NPHS1: variants seen among roughly 807,000 people sequenced by gnomAD.
NPHS1 encodes the protein nephrin.
Under a neutral mutation model 139.7 loss-of-function variants are expected in NPHS1, and 107 were observed. The ratio of observed to expected loss-of-function variants is 0.77; its 90% CI spans 0.66 to 0.90. The LOEUF (loss-of-function observed/expected upper bound fraction) is 0.90. NPHS1 is among the 40% of genes least tolerant of loss of function. NPHS1 has a pLI of 0.00. For missense variants in NPHS1, 1,580 were observed against 1,654.2 expected (o/e 0.96, Z 0.78); for synonymous variants, 707 against 706.6 (o/e 1.00, Z -0.01).
At chr19:35,843,246 C>T (rs879491193) in intron 17 of NPHS1, among the ~76,000 whole-genome samples, 4 of 152,192 alleles carry the variant, frequency 2.6e-5, no homozygotes, top group Non-Finnish European at 5.9e-5. Flanking sequence ...ACTTACCTAC[C>T]TTTTGACCTA....
chr19:35,836,119 C>T (rs976343493), intron 22 of NPHS1, among the ~76,000 whole-genome samples: 2 of 145,934 alleles, frequency 1.4e-5, no homozygotes, highest in African/African-American at 5.1e-5. Context: ...GCCACTATGC[C>T]TGGCTAATTT....
intron 20 of NPHS1, among the ~76,000 whole-genome samples, chr19:35,840,714 A>G (rs1568452642): frequency 6.9e-6 from 1 of 144,874 alleles, no homozygotes; most frequent in Admixed American, 6.9e-5. Context: ...TTTGAGACAG[A>G]GTCTTGCTCT....
intron 11 of NPHS1, 94 bp from the exon 12 acceptor site, chr19:35,846,288 G>A (rs764095601): frequency 6.0e-6 from 8 of 1,336,868 alleles, no homozygotes; most frequent in Non-Finnish European, 8.3e-6. Flanking sequence ...GGTGCCGCCA[G>A]CCCAAACAAA....
In NPHS1 at chr19:35,848,348, C is replaced by T. The variant is rs199735886; in HGVS notation, c.1220G>A (p.Arg407Gln). 2.5e-5 allele frequency: 41 copies of T among 1,614,096 alleles called. No individual in the cohort carries two copies. The Admixed American group carries it at 2.7e-4, about 10-fold the overall frequency. Reference sequence around the variant, plus strand: ...GAGGGTCAGACCGTTGTCCTCCCGCCGCGCCAGGAATGTCAGGTTGGACAT... The same window carrying T: ...GAGGGTCAGACCGTTGTCCTCCCGCTGCGCCAGGAATGTCAGGTTGGACAT... ...ISMSNLTFLARREDNGLTLTC... is the reference protein window; with the variant it reads ...ISMSNLTFLAQREDNGLTLTC... The change falls in exon 10 of 29, where the codon CGG (arginine) becomes CAG (glutamine). Residue 407 changes from arginine (R) to glutamine (Q), a missense_variant. Transcript: ENST00000378910.
Position 35,849,634 on chromosome 19 carries a change from C to T in NPHS1, c.628G>A (p.Asp210Asn), listed in dbSNP as rs961890817. The change falls in exon 6 of 29, where the codon GAT becomes AAT. Residue 210 changes from aspartate to asparagine, a missense_variant. Transcript: ENST00000378910. ...ATARVTPRSS[D>N]NRQLLVCEAS... is the part of the protein sequence containing the mutation. ...TCACAGACCAGCAACTGCCTATTAT[C>T]TGAGCTCCGGGGTGTCACCCTGGGA... 6.2e-7 allele frequency: 1 copy of T among 1,614,034 alleles called. No individual in the cohort carries two copies. Among genetic ancestry groups the T allele is most frequent in the Non-Finnish European group, 8.5e-7 (1 of 1,179,964 alleles).
chr19:35,827,947 A>T (rs1307318988), intron 28 of NPHS1, among the ~76,000 whole-genome samples: 1 of 152,164 alleles, frequency 6.6e-6, no homozygotes, highest in Non-Finnish European at 1.5e-5. Context: ...AATTTTTAAA[A>T]ATGAAAACTT....
In NPHS1 at chr19:35,845,258, T is replaced by C; in HGVS notation, c.1930+110A>G. On this transcript the variant is annotated intron_variant, in intron 14 of 28. Transcript: ENST00000378910. This position sits in a 1 kb window ranked among gnomAD's most constrained non-coding sequence, Gnocchi z 5.5. ...GCATTGCAGCCTGAGCGACAAAAAA[T>C]GAAAGAGAGAGAGAGAGAGAAGAGA... The C allele has an allele frequency of 7.9e-7, 1 of 1,265,702 alleles. No individual in the cohort carries two copies. Among genetic ancestry groups the C allele is most frequent in the African/African-American group, 1.6e-5 (1 of 64,202 alleles). The allele number at this position is 1,265,702 out of a possible 1,614,324, so 78.4% of individuals were successfully genotyped here.
intron 22 of NPHS1, among the ~76,000 whole-genome samples, chr19:35,836,966 A>C (rs1489479565): frequency 6.7e-6 from 1 of 149,874 alleles, no homozygotes; most frequent in Non-Finnish European, 1.5e-5. Context: ...ACTGTACTCC[A>C]GCCTGAGTGA....
rs754223298 is a variant in NPHS1 at position 35,831,485 on chromosome 19, G to T, written c.3302C>A (p.Thr1101Lys). ...RRLAEGISEK[T>K]EAGSEEDRVR... ...AAATATCCCCACTTACCCTGCCTCT[G>T]TCTTCTCTGAGATGCCTGAAGGAAA... Residue 1101 changes from threonine (T) to lysine (K), a missense_variant, in exon 25 of 29, where the codon ACA becomes AAA. Physicochemically the swap from Thr to Lys is moderately conservative, Grantham distance 78. Coordinates refer to ENST00000378910, the MANE Select transcript of NPHS1 (RefSeq NM_004646.4). 4 of 1,613,664 alleles carry T rather than the reference G, an allele frequency of 2.5e-6. No homozygotes were observed. In the Middle Eastern group the frequency reaches 6.6e-4, roughly 266 times the overall value.
intron 11 of NPHS1, among the ~76,000 whole-genome samples, chr19:35,847,424 G>A (rs955245062): frequency 3.7e-5 from 5 of 134,706 alleles, no homozygotes; most frequent in African/African-American, 1.4e-4. Flanking sequence ...GCACAACCTC[G>A]GCTCACCACA....
intron 16 of NPHS1, chr19:35,843,868 G>A: frequency 1.5e-6 from 1 of 667,820 alleles, no homozygotes; most frequent in Non-Finnish European, 2.5e-6. Flanking sequence ...ATTCCTGACG[G>A]GAGCAGCTTC....
chr19:35,829,347 G>A lies in NPHS1; in HGVS notation c.3594+1497C>T, dbSNP rs145238107. Among the ~76,000 whole-genome samples the A allele has an allele frequency of 2.0e-4, 30 of 152,264 alleles. No homozygotes were observed. In the East Asian group the frequency reaches 5.0e-3, roughly 25 times the overall value. On this transcript the variant is annotated intron_variant, in intron 28 of 28. Coordinates refer to ENST00000378910, the MANE Select transcript of NPHS1 (RefSeq NM_004646.4). The stretch of plus-strand genomic sequence containing the variant: ...TCTTTCTTTGAAGATTTCTAATCTC[G>A]TAGGATACAAATCTAGATTTTCTGG...
Position 35,851,950 on chromosome 19 carries a change from C to T in NPHS1, c.-113G>A. ...TCTGCCACCTGCTTTTCTTTTTTAT[C>T]TCTTTCCGTTACTCTCCTCCCTTTC... On this transcript the variant is annotated 5_prime_UTR_variant, in exon 1 of 29. Coordinates refer to ENST00000378910, the MANE Select transcript of NPHS1 (RefSeq NM_004646.4). 2.3e-6 allele frequency: 2 copies of T among 872,134 alleles called. No individual in the cohort carries two copies. Among genetic ancestry groups the T allele is most frequent in the Non-Finnish European group, 3.8e-6 (2 of 531,764 alleles). The allele number at this position is 872,134 out of a possible 1,614,324, so 54.0% of individuals were successfully genotyped here. A position where few individuals can be genotyped will look rare whatever the true frequency, so the allele number is the denominator to read the frequency against.
rs112624813 is a variant in NPHS1, at chr19:35,849,597, G to A, written c.665C>T (p.Pro222Leu). Residue 222 changes from proline to leucine, a missense_variant, in exon 6 of 29, where the codon CCA becomes CTA. By Grantham distance (98) the Pro-to-Leu change is moderately conservative. Transcript: ENST00000378910. ...GGCCTTGATGGGGGCCTCCAGTGCTGGGCTAGACGCCTCACAGACCAGCAA... is the reference window on the plus strand; with the variant it reads ...GGCCTTGATGGGGGCCTCCAGTGCTAGGCTAGACGCCTCACAGACCAGCAA... ...RQLLVCEASS[P>L]ALEAPIKASF... The A allele has an allele frequency of 1.7e-5, 28 of 1,614,110 alleles. No individual in the cohort carries two copies. The African/African-American group carries it at 2.0e-4, about 12-fold the overall frequency.
In NPHS1 at chr19:35,851,681, A is replaced by G. The variant is rs551940702; in HGVS notation, c.59-9T>C. The stretch of plus-strand genomic sequence containing the variant: ...CGCCAACTGCGCCAGGCCTGAGGAC[A>G]CAGCGCGGTGCAAGGAAAGGGCAGA... On this transcript the variant is annotated splice_polypyrimidine_tract_variant and intron_variant, in intron 1 of 28. Coordinates refer to ENST00000378910, the MANE Select transcript of NPHS1 (RefSeq NM_004646.4). 4 of 1,609,478 alleles carry G rather than the reference A, an allele frequency of 2.5e-6. No individual in the cohort carries two copies. In the South Asian group the frequency reaches 4.4e-5, roughly 18 times the overall value.
chr19:35,847,993 C>T (rs1351276697), intron 11 of NPHS1, 48 bp downstream of exon 11: 1 of 1,601,394 alleles, frequency 6.2e-7, no homozygotes, highest in East Asian at 2.2e-5. Context: ...GGGCCTGGTC[C>T]TTCCCCCACA....
At position 35,845,437 on chromosome 19, in the gene NPHS1, C is replaced by T. The variant is rs886054350; in HGVS notation, c.1861G>A (p.Val621Met). ...QVSSRDHGQR[V>M]TCRAHSAELR... is the part of the protein sequence containing the mutation. ...TCGGCGCTGTGGGCGCGGCAGGTCA[C>T]GCGCTGGCCATGATCGCGGGATGAC... The change falls in exon 14 of 29, where the codon GTG becomes ATG. Residue 621 changes from valine (V) to methionine (M), a missense_variant. Coordinates refer to ENST00000378910, the MANE Select transcript of NPHS1 (RefSeq NM_004646.4). This position sits in a 1 kb window ranked among gnomAD's most constrained non-coding sequence, Gnocchi z 5.5. 6 of 1,614,058 alleles carry T rather than the reference C, an allele frequency of 3.7e-6. No homozygotes were observed. The highest frequency in any genetic ancestry group is 1.1e-5 in the South Asian group (1 of 91,088).
chr19:35,849,240 A>G lies in NPHS1; in HGVS notation c.836T>C (p.Leu279Pro). The G allele has an allele frequency of 6.2e-7, 1 of 1,613,832 alleles. No individual in the cohort carries two copies. Among genetic ancestry groups the G allele is most frequent in the East Asian group, 2.2e-5 (1 of 44,872 alleles). ...CATGCCCGCGTTTGCCCTCACCTTC[A>G]GCCACTGCAGTGTGGCTAAGGGATT... ...GGNPLATLQW[L>P]KNGQPVSTAW... The change falls in exon 7 of 29, where the codon CTG becomes CCG. Residue 279 changes from leucine to proline, a missense_variant. Physicochemically the swap from Leu to Pro is moderately conservative, Grantham distance 98. Coordinates refer to ENST00000378910, the MANE Select transcript of NPHS1 (RefSeq NM_004646.4).
In NPHS1 at chr19:35,839,434, A is replaced by G. The variant is rs761551004; in HGVS notation, c.2928-16T>C. ...GGCCTCATACCTGCAGGACAGGGGG[A>G]TAGTAAATTCAGGGAAGTGCCCTAG... On this transcript the variant is annotated splice_polypyrimidine_tract_variant and intron_variant, in intron 21 of 28. Transcript: ENST00000378910. The G allele has an allele frequency of 1.9e-5, 31 of 1,613,732 alleles. No homozygotes were observed. The highest frequency in any genetic ancestry group is 8.3e-5 in the Admixed American group (5 of 59,980).
Sources: gnomAD v4.1 joint callset for allele counts (sites outside exome capture counted in the v4.1 genomes callset) on GRCh38, gnomAD v4.1.1 for gene constraint, Gnocchi (gnomAD v3.1) non-coding constraint, MANE v1.5 for transcripts, NCBI Gene and HGNC (gene_info 2026-07-23, HGNC 2026-07-21) for gene names.